SLC27A6: variants seen among roughly 807,000 people sequenced by gnomAD.
The protein encoded by SLC27A6 is long-chain fatty acid transport protein 6.
Under a neutral mutation model 63.9 loss-of-function variants are expected in SLC27A6, and 74 were observed. The observed-to-expected ratio is 1.16, with a 90% CI of 0.96 to 1.40. The LOEUF is 1.40. SLC27A6 is among the 40% of genes most tolerant of loss of function. SLC27A6 has a pLI of 0.00. For missense variants in SLC27A6, 794 were observed against 732.9 expected (o/e 1.08, Z -0.96); for synonymous variants, 287 against 260.8 (o/e 1.10, Z -0.97).
rs1044084003 is a variant in SLC27A6 at position 129,027,293 on chromosome 5, T to C, written c.1416T>C (p.Asn472=). 2 of 1,612,940 alleles carry C rather than the reference T, an allele frequency of 1.2e-6. No individual in the cohort carries two copies. The highest frequency in any genetic ancestry group is 8.5e-7 in the Non-Finnish European group (1 of 1,179,270). Residue 472 remains asparagine (N), a synonymous_variant, in exon 7 of 10, where the codon AAT becomes AAC. Transcript: ENST00000262462. Reference sequence around the variant, plus strand: ...ACTTAATAGTCCAGGATCAGGACAATTTCCTTTATTTTTGGGACCGTACTG... The same window carrying C: ...ACTTAATAGTCCAGGATCAGGACAACTTCCTTTATTTTTGGGACCGTACTG... ...TGDLIVQDQD[N]FLYFWDRTGD...
At position 129,006,071 on chromosome 5, in the gene SLC27A6, G is replaced by GTTTTTTTTTTTTTTTTTTTTTTTT. The variant is rs4068575; in HGVS notation, c.970-9812_970-9789dup. On this transcript the variant is annotated intron_variant, in intron 4 of 9. Transcript: ENST00000262462. ...TAAAATTTTCATTCCTGTGCACACT[G>GTTTTTTTTTTTTTTTTTTTTTTTT]TTTTTTTTTTTTTTTTTTTTTTTTT... Among the ~76,000 whole-genome samples, 173 of 60,130 alleles carry GTTTTTTTTTTTTTTTTTTTTTTTT rather than the reference G, an allele frequency of 2.9e-3. 51 individuals carry two copies. The highest frequency in any genetic ancestry group is 0.021 in the East Asian group (13 of 614). The allele number at this position is 60,130 out of a possible 152,430, so 39.4% of individuals were successfully genotyped here.
intron 1 of SLC27A6, among the ~76,000 whole-genome samples, 158 bp from the exon 2 acceptor site, chr5:128,984,975 G>A (rs1228226097): frequency 2.0e-5 from 3 of 152,070 alleles, no homozygotes; most frequent in Non-Finnish European, 2.9e-5. Flanking sequence ...CTGTTGAAAC[G>A]GAACCATAAA....
At chr5:129,022,511 C>A (rs1370802343) in intron 5 of SLC27A6, among the ~76,000 whole-genome samples, 1 of 151,572 alleles carries the variant, frequency 6.6e-6, no homozygotes, top group Non-Finnish European at 1.5e-5. Context: ...CTTATTTGTT[C>A]TATATTTGTT....
intron 1 of SLC27A6, among the ~76,000 whole-genome samples, chr5:128,971,738 C>G (rs111443831): frequency 0.24 from 36,676 of 152,034 alleles, 4,969 homozygotes; most frequent in Middle Eastern, 0.33. Context: ...TGTGTCTTTT[C>G]TTTGGGACAT....
intron 4 of SLC27A6, among the ~76,000 whole-genome samples, chr5:128,994,278 G>A (rs986554279): frequency 6.6e-6 from 1 of 151,926 alleles, no homozygotes; most frequent in Non-Finnish European, 1.5e-5. Context: ...AAACTGAGGA[G>A]GAAAGAAGGA....
chr5:129,020,777 C>T (rs1752048616), intron 5 of SLC27A6, among the ~76,000 whole-genome samples: 1 of 152,004 alleles, frequency 6.6e-6, no homozygotes, highest in Non-Finnish European at 1.5e-5. Flanking sequence ...AAAGACCACT[C>T]TCAGGTTTGA....
rs549319075 is a variant in SLC27A6 at position 129,003,560 on chromosome 5, A to G, written c.970-12325A>G. 3.9e-5 allele frequency among the ~76,000 whole-genome samples: 6 copies of G among 152,314 alleles called. No individual in the cohort carries two copies. In the South Asian group the frequency reaches 1.2e-3, roughly 32 times the overall value. ...GCTATGAAAGCCTTAGCAGTAGGCC[A>G]GTGCAGTAGCTCATGCCGATAATCC... On this transcript the variant is annotated intron_variant, in intron 4 of 9. Transcript: ENST00000262462.
At chr5:129,018,236 C>T (rs2150151101) in intron 5 of SLC27A6, among the ~76,000 whole-genome samples, 1 of 152,246 alleles carries the variant, frequency 6.6e-6, no homozygotes, top group East Asian at 1.9e-4. Context: ...TCATCCCTAA[C>T]TGCTTTAGTT....
chr5:129,012,548 CAG>C (rs1354262079), intron 4 of SLC27A6, among the ~76,000 whole-genome samples: 1 of 151,948 alleles, frequency 6.6e-6, no homozygotes, highest in Non-Finnish European at 1.5e-5. Flanking sequence ...CTATCAGTAC[CAG>C]AGAGAGAAGT....
At chr5:128,993,279 A>G (rs914015891) in intron 4 of SLC27A6, among the ~76,000 whole-genome samples, 3 of 152,166 alleles carry the variant, frequency 2.0e-5, no homozygotes, top group Non-Finnish European at 4.4e-5. Context: ...TCCTTGAAAC[A>G]TGGTGAGTAA....
intron 9 of SLC27A6, among the ~76,000 whole-genome samples, chr5:129,031,890 A>G (rs1294859846): frequency 4.6e-5 from 7 of 151,950 alleles, no homozygotes; most frequent in Non-Finnish European, 1.0e-4. Flanking sequence ...CTGTGATGAC[A>G]GTGTTGGATC....
chr5:128,970,405 G>A (rs1381544375), intron 1 of SLC27A6, among the ~76,000 whole-genome samples: 1 of 152,106 alleles, frequency 6.6e-6, no homozygotes, highest in Non-Finnish European at 1.5e-5. Flanking sequence ...TTTTTGGTTG[G>A]TAGGCTATTA....
At chr5:129,010,535 G>A (rs974506448) in intron 4 of SLC27A6, among the ~76,000 whole-genome samples, 1 of 152,150 alleles carries the variant, frequency 6.6e-6, no homozygotes, top group African/African-American at 2.4e-5. Flanking sequence ...AGGGGAAGTT[G>A]GAGATTTGGA....
Position 128,965,761 on chromosome 5 carries a change from A to C in SLC27A6, c.-377A>C. On this transcript the variant is annotated 5_prime_UTR_variant, in exon 1 of 10. Coordinates refer to ENST00000262462, the MANE Select transcript of SLC27A6 (RefSeq NM_001017372.3). ...GCCCTCACAGAGAAGAGGTCTGGAA[A>C]GTCCTGGGGAACTCGCAGGGCACGG... 1 of 184,840 alleles carries C rather than the reference A, an allele frequency of 5.4e-6. No individual in the cohort carries two copies. The highest frequency in any genetic ancestry group is 1.4e-4 in the East Asian group (1 of 7,176). 11.4% of individuals were successfully genotyped at this position (184,840 alleles called of 1,614,324 possible).
intron 5 of SLC27A6, among the ~76,000 whole-genome samples, 175 bp downstream of exon 5, chr5:129,016,254 G>A (rs1318540608): frequency 6.6e-6 from 1 of 151,792 alleles, no homozygotes; most frequent in Non-Finnish European, 1.5e-5. Context: ...AAATTAGACG[G>A]GTGTAGTGGC....
At chr5:128,998,352 A>T (rs951608774) in intron 4 of SLC27A6, among the ~76,000 whole-genome samples, 5 of 150,418 alleles carry the variant, frequency 3.3e-5, no homozygotes, top group Non-Finnish European at 5.9e-5. Context: ...GTAATTTTGT[A>T]GAATGTATTT....
rs1304305434 is a variant in SLC27A6, at chr5:128,988,705, CTCTGTA to C, written c.794_799del (p.Leu265_Tyr266del). 3.1e-6 allele frequency: 5 copies of C among 1,613,606 alleles called. No individual in the cohort carries two copies. Among genetic ancestry groups the C allele is most frequent in the Non-Finnish European group, 4.2e-6 (5 of 1,179,750 alleles). On this transcript the variant is annotated inframe_deletion, in exon 3 of 10. Coordinates refer to ENST00000262462, the MANE Select transcript of SLC27A6 (RefSeq NM_001017372.3). Reference sequence around the variant, plus strand: ...CATGACATTGTTTATATAACCCTTCCTCTGTATCATAGTTCAGCAGCTATCCTGGGA... The same window carrying C: ...CATGACATTGTTTATATAACCCTTCCTCATAGTTCAGCAGCTATCCTGGGA...
chr5:128,997,509 C>T (rs1303026476), intron 4 of SLC27A6, among the ~76,000 whole-genome samples: 2 of 152,088 alleles, frequency 1.3e-5, no homozygotes, highest in Non-Finnish European at 2.9e-5. Context: ...TGTTAGCAGC[C>T]TGAATGCTAG....
intron 4 of SLC27A6, among the ~76,000 whole-genome samples, chr5:128,991,059 C>T (rs1035812996): frequency 3.9e-5 from 6 of 152,326 alleles, no homozygotes; most frequent in East Asian, 3.9e-4. Context: ...TCTCATACAA[C>T]GGGAGGCGAC....
Sources: gnomAD v4.1 joint callset for allele counts (sites outside exome capture counted in the v4.1 genomes callset) on GRCh38, gnomAD v4.1.1 for gene constraint, MANE v1.5 for transcripts, NCBI Gene and HGNC (gene_info 2026-07-23, HGNC 2026-07-21) for gene names.